RNF150: variants seen among roughly 807,000 people sequenced by gnomAD.
RNF150 encodes ring finger protein 150.
A neutral mutation model predicts 39.3 loss-of-function variants in RNF150; 24 were observed. That is an observed-to-expected ratio of 0.61 (90% confidence interval 0.44 to 0.86). RNF150 has a LOEUF of 0.86. Among genes scored for constraint, RNF150 ranks in the 40% least tolerant of loss-of-function variants. The pLI is 0.00. For synonymous variants in RNF150, 255 were observed against 227.3 expected (o/e 1.12, Z -1.10); for missense variants, 502 against 587.8 (o/e 0.85, Z 1.51).
intron 1 of RNF150, among the ~76,000 whole-genome samples, chr4:141,077,508 A>T (rs1737940632): frequency 6.6e-6 from 1 of 152,246 alleles, no homozygotes; most frequent in African/African-American, 2.4e-5. Context: ...GCCTGTACAA[A>T]AAATAAATTT....
At chr4:141,063,104 C>A (rs539531146) in intron 1 of RNF150, among the ~76,000 whole-genome samples, 5 of 152,106 alleles carry the variant, frequency 3.3e-5, no homozygotes, top group African/African-American at 9.7e-5. Context: ...ACTTTGTAGA[C>A]GATTTTGTAT....
chr4:140,939,529 T>C (rs1474528913), intron 4 of RNF150, among the ~76,000 whole-genome samples: 2 of 151,922 alleles, frequency 1.3e-5, no homozygotes, highest in Non-Finnish European at 2.9e-5. Context: ...GAGACCGGGT[T>C]GTGAAAGTGC....
chr4:141,043,476 G>C (rs1391371792), intron 1 of RNF150, among the ~76,000 whole-genome samples: 2 of 152,152 alleles, frequency 1.3e-5, no homozygotes, highest in Non-Finnish European at 2.9e-5. Flanking sequence ...AGTAGTGTTA[G>C]AAAGAGAAAG....
chr4:140,866,081 CAATTTTTAAACAAGGCA>C lies in RNF150; in HGVS notation c.*2163_*2179del, dbSNP rs1274058070. The C allele has an allele frequency of 2.6e-5, 4 of 152,202 alleles. No individual in the cohort carries two copies. The highest frequency in any genetic ancestry group is 9.7e-5 in the African/African-American group (4 of 41,448). The allele number at this position is 152,202 out of a possible 1,614,324, so 9.4% of individuals were successfully genotyped here. A position where few individuals can be genotyped will look rare whatever the true frequency, so the allele number is the denominator to read the frequency against. On this transcript the variant is annotated 3_prime_UTR_variant, in exon 7 of 7. Transcript: ENST00000515673. ...AGATTGCAAACTCTGTGACTAACAG[CAATTTTTAAACAAGGCA>C]AAACAAACCAACTCCTACTTGGACT...
At chr4:141,150,936 T>C (rs1229450050) in intron 1 of RNF150, among the ~76,000 whole-genome samples, 1 of 151,138 alleles carries the variant, frequency 6.6e-6, no homozygotes, top group Admixed American at 6.7e-5. Context: ...CTTTTCTTCT[T>C]TGTTTTTTTG....
intron 1 of RNF150, among the ~76,000 whole-genome samples, chr4:140,978,095 T>C (rs988530739): frequency 3.9e-5 from 6 of 152,170 alleles, no homozygotes; most frequent in Non-Finnish European, 5.9e-5. Flanking sequence ...AAATGTATCA[T>C]TCAGCAACCA....
chr4:141,088,274 C>G (rs1691456082), intron 1 of RNF150, among the ~76,000 whole-genome samples: 1 of 152,144 alleles, frequency 6.6e-6, no homozygotes, highest in African/African-American at 2.4e-5. Context: ...TGAAACTCAT[C>G]TGAGCGATCC....
chr4:141,053,616 T>C (rs987635243), intron 1 of RNF150: 25 of 830,440 alleles, frequency 3.0e-5, no homozygotes, highest in Admixed American at 1.2e-4. Flanking sequence ...GAAGATATCA[T>C]GGAAGTCATT....
Position 140,864,641 on chromosome 4 carries a change from T to C in RNF150, c.*3620A>G, listed in dbSNP as rs976251073. 2 of 152,154 alleles carry C rather than the reference T, an allele frequency of 1.3e-5. No individual in the cohort carries two copies. The highest frequency in any genetic ancestry group is 1.3e-4 in the Admixed American group (2 of 15,276). 9.4% of individuals were successfully genotyped at this position (152,154 alleles called of 1,614,324 possible). On this transcript the variant is annotated 3_prime_UTR_variant, in exon 7 of 7. Transcript: ENST00000515673. ...CTACAGCTGTGGGACTGGGGGACAC[T>C]GGGAAAGGACTTTCACCAACCATGA...
Position 141,132,611 on chromosome 4 carries a change from C to T in RNF150, c.198G>A (p.Glu66=), listed in dbSNP as rs749394128. The change falls in exon 1 of 7, where the codon GAG becomes GAA. Residue 66 remains glutamate, a synonymous_variant. Transcript: ENST00000515673. This position sits in a 1 kb window ranked among gnomAD's most constrained non-coding sequence, Gnocchi z 4.9. ...GAGAAGGGGA[E]LHTEKTECGR... is the part of the protein sequence containing the mutation. ...CGCACTCCGTCTTCTCCGTGTGCAGCTCCGCGCCGCCGCCGCCCGCCGCCC... is the reference window on the plus strand; with the variant it reads ...CGCACTCCGTCTTCTCCGTGTGCAGTTCCGCGCCGCCGCCGCCCGCCGCCC... The T allele has an allele frequency of 1.3e-6, 2 of 1,536,952 alleles. No individual in the cohort carries two copies.
intron 1 of RNF150, among the ~76,000 whole-genome samples, chr4:141,198,219 G>A (rs568016837): frequency 2.2e-3 from 338 of 152,022 alleles, no homozygotes; most frequent in Non-Finnish European, 3.9e-3. Context: ...TAGAGACGCG[G>A]TTTCACCATG....
chr4:141,211,385 C>T (rs1728461675), intron 1 of RNF150, among the ~76,000 whole-genome samples: 2 of 152,082 alleles, frequency 1.3e-5, no homozygotes, highest in South Asian at 4.1e-4. Flanking sequence ...ATAATTTGAT[C>T]TCATTCTAAG....
intron 2 of RNF150, 76 bp from the exon 3 acceptor site, chr4:140,949,448 C>T (rs1732456121): frequency 3.3e-6 from 4 of 1,220,816 alleles, no homozygotes; most frequent in Admixed American, 1.7e-5. Context: ...ATTTAATACA[C>T]CAGGGCAGCT....
At chr4:141,099,055 C>A (rs1738908807) in intron 1 of RNF150, among the ~76,000 whole-genome samples, 1 of 152,100 alleles carries the variant, frequency 6.6e-6, no homozygotes. Context: ...GTCTCCATCT[C>A]ATTATTTCTG....
At chr4:141,078,554 T>C (rs953540388) in intron 1 of RNF150, among the ~76,000 whole-genome samples, 8 of 151,434 alleles carry the variant, frequency 5.3e-5, no homozygotes, top group Admixed American at 2.6e-4. Flanking sequence ...GAGGTCAAGG[T>C]GGGCAGATCA....
At chr4:141,024,040 G>A (rs1023228538) in intron 1 of RNF150, among the ~76,000 whole-genome samples, 1 of 152,146 alleles carries the variant, frequency 6.6e-6, no homozygotes, top group Admixed American at 6.5e-5. Context: ...CCAGAGCCAA[G>A]CTAAAGAGGA....
chr4:141,146,621 T>G (rs1727204394), intron 1 of RNF150, among the ~76,000 whole-genome samples: 1 of 151,934 alleles, frequency 6.6e-6, no homozygotes, highest in Non-Finnish European at 1.5e-5. Flanking sequence ...TTGAAGAGTT[T>G]AAAAAAAAGA....
chr4:141,031,724 T>C (rs1402958541), intron 1 of RNF150, among the ~76,000 whole-genome samples: 1 of 152,076 alleles, frequency 6.6e-6, no homozygotes, highest in African/African-American at 2.4e-5. Context: ...CCTGTTAGAA[T>C]GGCAATTATA....
At chr4:141,197,556 A>G (rs1728220251) in intron 1 of RNF150, among the ~76,000 whole-genome samples, 2 of 152,302 alleles carry the variant, frequency 1.3e-5, no homozygotes, top group East Asian at 1.9e-4. Context: ...TACAATTTGT[A>G]TTTTCTAAAG....
Sources: gnomAD v4.1 joint callset for allele counts (sites outside exome capture counted in the v4.1 genomes callset) on GRCh38, gnomAD v4.1.1 for gene constraint, Gnocchi (gnomAD v3.1) non-coding constraint, MANE v1.5 for transcripts, NCBI Gene and HGNC (gene_info 2026-07-23, HGNC 2026-07-21) for gene names.